MYO1D: variants seen among roughly 807,000 people sequenced by gnomAD.
MYO1D encodes the protein unconventional myosin-Id.
Under a neutral mutation model 122.0 loss-of-function variants are expected in MYO1D, and 83 were observed. That is an observed-to-expected ratio of 0.68 (90% CI 0.57 to 0.82). The LOEUF is 0.82. MYO1D is among the 40% of genes least tolerant of loss of function. MYO1D has a pLI of 0.00. For synonymous variants in MYO1D, 464 were observed against 446.9 expected (o/e 1.04, Z -0.48); for missense variants, 1,157 against 1,269.5 (o/e 0.91, Z 1.35).
chr17:32,638,729 A>G lies in MYO1D; in HGVS notation c.2702T>C (p.Leu901Pro). ...GAAGCACAGAGGACTTACATTGTATAGAGGGATAGTCTTCATCACCTTGTA... is the reference window on the plus strand; with the variant it reads ...GAAGCACAGAGGACTTACATTGTATGGAGGGATAGTCTTCATCACCTTGTA... ...KQYKVMKTIP[L>P]YNLTGLSVSN... Residue 901 changes from leucine (L) to proline (P), a missense_variant, in exon 20 of 22, where the codon CTA (leucine) becomes CCA (proline). Leu to Pro is a moderately conservative substitution (Grantham distance 98). Coordinates refer to ENST00000318217, the MANE Select transcript of MYO1D (RefSeq NM_015194.3). The G allele has an allele frequency of 6.2e-7, 1 of 1,609,102 alleles. No homozygotes were observed. The highest frequency in any genetic ancestry group is 8.5e-7 in the Non-Finnish European group (1 of 1,175,552).
At chr17:32,721,414 A>G (rs1202567871) in intron 14 of MYO1D, among the ~76,000 whole-genome samples, 2 of 152,188 alleles carry the variant, frequency 1.3e-5, no homozygotes, top group African/African-American at 2.4e-5. Flanking sequence ...TTTAGGGTTT[A>G]TTAGGAATAG....
intron 21 of MYO1D, among the ~76,000 whole-genome samples, chr17:32,559,950 C>A (rs1053348706): frequency 6.6e-6 from 1 of 152,146 alleles, no homozygotes; most frequent in African/African-American, 2.4e-5. Flanking sequence ...CCTATAGAAA[C>A]CCTCATCCAA....
At chr17:32,876,142 G>C (rs747412598) in intron 1 of MYO1D, among the ~76,000 whole-genome samples, 1 of 152,064 alleles carries the variant, frequency 6.6e-6, no homozygotes. Context: ...AAGTACAGCA[G>C]TCTCTTCGAT....
intron 1 of MYO1D, among the ~76,000 whole-genome samples, chr17:32,824,066 CAAAAAA>C (rs58786179): frequency 2.2e-5 from 2 of 92,532 alleles, no homozygotes; most frequent in Non-Finnish European, 4.2e-5. Flanking sequence ...GACTCCGTCT[CAAAAAA>C]AAAAAAAAAA....
At chr17:32,832,536 G>A (rs1008189951) in intron 1 of MYO1D, among the ~76,000 whole-genome samples, 10 of 152,212 alleles carry the variant, frequency 6.6e-5, no homozygotes, top group East Asian at 1.9e-4. Context: ...CTGACCTTGC[G>A]ATCTGCCCGC....
intron 21 of MYO1D, among the ~76,000 whole-genome samples, chr17:32,539,207 C>T (rs1276893205): frequency 2.0e-5 from 3 of 150,098 alleles, no homozygotes; most frequent in South Asian, 2.1e-4. Flanking sequence ...TTTGGGAGGC[C>T]GAGGCAGGAG....
chr17:32,653,809 C>G, intron 19 of MYO1D, 34 bp downstream of exon 19: 2 of 1,566,678 alleles, frequency 1.3e-6, no homozygotes, highest in South Asian at 2.2e-5. Flanking sequence ...TCAGTCTTTC[C>G]TTTCCAAGAT....
intron 21 of MYO1D, among the ~76,000 whole-genome samples, chr17:32,574,856 T>A (rs565300071): frequency 6.6e-6 from 1 of 152,092 alleles, no homozygotes; most frequent in African/African-American, 2.4e-5. Flanking sequence ...AAAAACTGGG[T>A]TTGAATCTGT....
intron 16 of MYO1D, among the ~76,000 whole-genome samples, chr17:32,706,569 T>A (rs1029012940): frequency 6.6e-6 from 1 of 152,312 alleles, no homozygotes; most frequent in Non-Finnish European, 1.5e-5. Flanking sequence ...TTCATGAATG[T>A]ATGGAAGATT....
intron 1 of MYO1D, among the ~76,000 whole-genome samples, chr17:32,848,737 G>A (rs1052132928): frequency 6.6e-6 from 1 of 152,078 alleles, no homozygotes; most frequent in Non-Finnish European, 1.5e-5. Context: ...TACTGGTGCC[G>A]TTGCTACCTA....
At chr17:32,528,877 T>C (rs1910427567) in intron 21 of MYO1D, 1 of 152,270 alleles carries the variant, frequency 6.6e-6, no homozygotes, top group East Asian at 1.9e-4. Flanking sequence ...GCCCTCGTTC[T>C]GGCCCAGTGA....
chr17:32,803,128 T>C (rs1433201709), intron 1 of MYO1D, among the ~76,000 whole-genome samples: 1 of 152,066 alleles, frequency 6.6e-6, no homozygotes, highest in Non-Finnish European at 1.5e-5. Flanking sequence ...GTGAACCAAG[T>C]TGTGCCAGAA....
chr17:32,569,119 A>AAAT (rs2087200502), intron 21 of MYO1D, among the ~76,000 whole-genome samples: 1 of 152,220 alleles, frequency 6.6e-6, no homozygotes, highest in Non-Finnish European at 1.5e-5. Context: ...TCTGTGTTAT[A>AAAT]AATAGATGTT....
intron 16 of MYO1D, among the ~76,000 whole-genome samples, chr17:32,702,682 A>T (rs2089262862): frequency 6.6e-6 from 1 of 152,230 alleles, no homozygotes; most frequent in Non-Finnish European, 1.5e-5. Context: ...AGGCAAAAAT[A>T]CATTCTGGGG....
chr17:32,636,749 T>C (rs1006786999), intron 20 of MYO1D, among the ~76,000 whole-genome samples: 1 of 152,208 alleles, frequency 6.6e-6, no homozygotes, highest in African/African-American at 2.4e-5. Context: ...GTGATGGAGA[T>C]GGAGTATTTA....
intron 16 of MYO1D, among the ~76,000 whole-genome samples, chr17:32,696,101 T>C (rs1034700467): frequency 6.6e-6 from 1 of 152,148 alleles, no homozygotes; most frequent in Admixed American, 6.5e-5. Flanking sequence ...TGCTTGCATA[T>C]TGTTGCATTT....
intron 16 of MYO1D, among the ~76,000 whole-genome samples, chr17:32,667,308 C>G (rs7215548): frequency 0.042 from 6,327 of 152,176 alleles, 420 homozygotes; most frequent in African/African-American, 0.14. Flanking sequence ...TCTTCCATTT[C>G]TATAAGGGAC....
At chr17:32,772,680 G>A (rs765942189) in intron 5 of MYO1D, 109 bp downstream of exon 5, 134 of 881,158 alleles carry the variant, frequency 1.5e-4, no homozygotes, top group Non-Finnish European at 2.3e-4. Context: ...CATGTTACGG[G>A]GCCAATGGAG....
At chr17:32,599,210 A>G (rs1382868970) in intron 21 of MYO1D, among the ~76,000 whole-genome samples, 1 of 152,250 alleles carries the variant, frequency 6.6e-6, no homozygotes, top group Admixed American at 6.5e-5. Context: ...CTAAGTTTAT[A>G]TAATATTTTA....
Sources: allele counts gnomAD v4.1 joint callset (sites outside exome capture counted in the v4.1 genomes callset), GRCh38; gene constraint gnomAD v4.1.1; transcripts MANE v1.5; gene names NCBI Gene and HGNC (gene_info 2026-07-23, HGNC 2026-07-21).